ADISSP: variants seen among roughly 807,000 people sequenced by gnomAD.
The protein encoded by ADISSP is adipose-secreted signaling protein.
the ADISSP span, among the ~76,000 whole-genome samples, chr20:3,760,916 C>T: frequency 1.3e-5 from 2 of 152,176 alleles, no homozygotes; most frequent in Admixed American, 6.5e-5. Context: ...ATGAGTGCAA[C>T]TGATGGAAAC....
the ADISSP span, among the ~76,000 whole-genome samples, chr20:3,766,395 A>G: frequency 6.6e-6 from 1 of 151,940 alleles, no homozygotes; most frequent in East Asian, 1.9e-4. Context: ...CCAGTGGGCC[A>G]AAGGTGCAAA....
the ADISSP span, among the ~76,000 whole-genome samples, chr20:3,757,026 A>AAAAT: frequency 9.3e-5 from 14 of 151,038 alleles, no homozygotes; most frequent in South Asian, 2.1e-4. Context: ...TGTTTTCAGA[A>AAAAT]AAATAAATAA....
chr20:3,758,746 T>C, the ADISSP span: 1 of 1,505,240 alleles, frequency 6.6e-7, no homozygotes, highest in Non-Finnish European at 9.1e-7. This position sits in a 1 kb window ranked among gnomAD's most constrained non-coding sequence, Gnocchi z 5.5. Flanking sequence ...CCTTGTCCCC[T>C]CGTCACCCCC....
At chr20:3,766,330 G>A in the ADISSP span, among the ~76,000 whole-genome samples, 1 of 152,172 alleles carries the variant, frequency 6.6e-6, no homozygotes, top group African/African-American at 2.4e-5. Flanking sequence ...GAGGTCAGTA[G>A]TTGTGGCAGC....
chr20:3,755,689 C>T, the ADISSP span: 1 of 1,265,842 alleles, frequency 7.9e-7, no homozygotes, highest in Non-Finnish European at 1.1e-6. Context: ...CCTATGATCC[C>T]ATGCGCCCCA....
At chr20:3,754,758 T>G in the ADISSP span, among the ~76,000 whole-genome samples, 1 of 152,202 alleles carries the variant, frequency 6.6e-6, no homozygotes, top group Non-Finnish European at 1.5e-5. Flanking sequence ...GCCACCCCAA[T>G]GTGGCTCCAA....
the ADISSP span, chr20:3,758,627 T>C: frequency 6.2e-7 from 1 of 1,613,996 alleles, no homozygotes; most frequent in East Asian, 2.2e-5. This position sits in a 1 kb window ranked among gnomAD's most constrained non-coding sequence, Gnocchi z 5.5. Context: ...GTGGGATCCT[T>C]CTGCATCGTG....
the ADISSP span, chr20:3,754,618 C>CA: frequency 8.0e-7 from 1 of 1,254,268 alleles, no homozygotes; most frequent in Non-Finnish European, 1.1e-6. Flanking sequence ...GGGGGGACTG[C>CA]ATGCTAAGCC....
At chr20:3,756,043 A>G in the ADISSP span, among the ~76,000 whole-genome samples, 1 of 152,090 alleles carries the variant, frequency 6.6e-6, no homozygotes, top group Non-Finnish European at 1.5e-5. Context: ...TGGGTCATTC[A>G]CCTGTCCCCA....
At chr20:3,758,403 TG>T in the ADISSP span, 1 of 733,092 alleles carries the variant, frequency 1.4e-6, no homozygotes, top group South Asian at 1.8e-5. The surrounding 1 kb of genome is among the most constrained non-coding windows in gnomAD (Gnocchi z 5.5). Flanking sequence ...ATCTGACAGA[TG>T]GGGCAACCAA....
At chr20:3,754,578 T>C in the ADISSP span, 2 of 1,578,740 alleles carry the variant, frequency 1.3e-6, no homozygotes, top group South Asian at 2.2e-5. Context: ...ATCCTGCCCC[T>C]GGCACTCACG....
At chr20:3,760,228 C>T in the ADISSP span, 1 of 689,558 alleles carries the variant, frequency 1.5e-6, no homozygotes. Flanking sequence ...CAGGGCCACT[C>T]ATGGACCCAT....
chr20:3,767,437 C>T, the ADISSP span: 1 of 152,694 alleles, frequency 6.5e-6, no homozygotes, highest in Non-Finnish European at 1.5e-5. Flanking sequence ...AACACCCCAG[C>T]TGCACCAGCT....
the ADISSP span, among the ~76,000 whole-genome samples, chr20:3,766,949 T>A: frequency 1.3e-5 from 2 of 151,868 alleles, no homozygotes; most frequent in Non-Finnish European, 2.9e-5. Flanking sequence ...AGAACCTAAA[T>A]CCAGTCCCTC....
chr20:3,767,768 G>C, the ADISSP span: 1 of 151,910 alleles, frequency 6.6e-6, no homozygotes, highest in African/African-American at 2.4e-5. Context: ...CCGCGCCGCG[G>C]CCGCCCTCCC....
At chr20:3,758,492 C>T in the ADISSP span, 11 of 1,591,308 alleles carry the variant, frequency 6.9e-6, no homozygotes, top group African/African-American at 1.5e-4. The surrounding 1 kb of genome is among the most constrained non-coding windows in gnomAD (Gnocchi z 5.5). Context: ...CCAGGCAGAG[C>T]CGGGGAGGGG....
chr20:3,759,848 C>T, the ADISSP span, among the ~76,000 whole-genome samples: 1 of 152,186 alleles, frequency 6.6e-6, no homozygotes, highest in Non-Finnish European at 1.5e-5. The surrounding 1 kb of genome is among the most constrained non-coding windows in gnomAD (Gnocchi z 4.6). Context: ...CTCCACAGAC[C>T]AGCCTAAGGA....
the ADISSP span, chr20:3,758,662 G>A: frequency 6.2e-7 from 1 of 1,614,072 alleles, no homozygotes; most frequent in Non-Finnish European, 8.5e-7. This position sits in a 1 kb window ranked among gnomAD's most constrained non-coding sequence, Gnocchi z 5.5. Context: ...GGATACTCCG[G>A]ACTCTGGGCT....
the ADISSP span, among the ~76,000 whole-genome samples, chr20:3,757,089 G>A: frequency 2.0e-5 from 3 of 151,690 alleles, no homozygotes; most frequent in Non-Finnish European, 4.4e-5. Context: ...GGTGGCTCAC[G>A]CCTGTAATCC....
Sources: gnomAD v4.1 joint callset for allele counts (sites outside exome capture counted in the v4.1 genomes callset) on GRCh38, gnomAD v4.1.1 for gene constraint, Gnocchi (gnomAD v3.1) non-coding constraint, MANE v1.5 for transcripts, NCBI Gene and HGNC (gene_info 2026-07-23, HGNC 2026-07-21) for gene names.